Variants in EXD3 observed in about 807,000 individuals in gnomAD.
EXD3 encodes exonuclease 3'-5' domain containing 3.
A neutral mutation model predicts 98.0 loss-of-function variants in EXD3; 92 were observed. The ratio of observed to expected loss-of-function variants is 0.94; its 90% CI spans 0.79 to 1.12. The LOEUF (loss-of-function observed/expected upper bound fraction) is 1.12, where lower values mean the gene tolerates loss of function less well. Ranked by LOEUF, EXD3 falls within the 50% of genes most tolerant of loss-of-function variation. The pLI is 0.00. For missense variants in EXD3, 1,222 were observed against 1,191.6 expected, an observed-to-expected ratio of 1.03 and a Z score of -0.38; for synonymous variants, 569 against 526.0, an observed-to-expected ratio of 1.08 and a Z score of -1.12.
chr9:137,324,367 T>C lies in EXD3; in HGVS notation c.1999-224A>G, dbSNP rs1480909718. ...TTTAATCTTGGCACCACGCAAACATTTTTTTTTCATAATTAGAAACAAAAT... is the reference window on the plus strand; with the variant it reads ...TTTAATCTTGGCACCACGCAAACATCTTTTTTTCATAATTAGAAACAAAAT... On this transcript the variant is annotated intron_variant, in intron 17 of 21. Coordinates refer to ENST00000340951, the MANE Select transcript of EXD3 (RefSeq NM_017820.5). This position sits in a 1 kb window ranked among gnomAD's most constrained non-coding sequence, Gnocchi z 4.1. Among the ~76,000 whole-genome samples, 1 of 152,022 alleles carries C rather than the reference T, an allele frequency of 6.6e-6. No individual in the cohort carries two copies. The highest frequency in any genetic ancestry group is 1.5e-5 in the Non-Finnish European group (1 of 68,012).
intron 1 of EXD3, among the ~76,000 whole-genome samples, chr9:137,412,972 G>A (rs1838067375): frequency 2.0e-5 from 3 of 151,826 alleles, no homozygotes; most frequent in Admixed American, 2.0e-4. Flanking sequence ...TTGTAGAGAT[G>A]GGGTCTCACT....
intron 2 of EXD3, among the ~76,000 whole-genome samples, chr9:137,388,035 G>A (rs1836695040): frequency 6.6e-6 from 1 of 152,234 alleles, no homozygotes; most frequent in South Asian, 2.1e-4. Flanking sequence ...GGTGGGGGCA[G>A]AGCGGGGCAG....
At chr9:137,329,178 C>G (rs1240322925) in intron 17 of EXD3, among the ~76,000 whole-genome samples, 1 of 7,482 alleles carries the variant, frequency 1.3e-4, no homozygotes. Context: ...TACACGGGAG[C>G]TACACGGGAC....
intron 1 of EXD3, among the ~76,000 whole-genome samples, chr9:137,398,913 A>G (rs2131783381): frequency 6.6e-6 from 1 of 150,664 alleles, no homozygotes; most frequent in East Asian, 2.0e-4. Context: ...ACACACAGGC[A>G]ACCGCGTCTC....
Position 137,371,915 on chromosome 9 carries a change from C to T in EXD3, c.462+990G>A, listed in dbSNP as rs150533397. 9.9e-5 allele frequency among the ~76,000 whole-genome samples: 15 copies of T among 152,140 alleles called. No homozygotes were observed. The highest frequency in any genetic ancestry group is 3.9e-4 in the East Asian group (2 of 5,146). ...TCAGAGCCACCCCACGCAAGACGGC[C>T]GCCTCCCTACCCACTGCAGGCCCCA... On this transcript the variant is annotated intron_variant, in intron 5 of 21. Transcript: ENST00000340951. The surrounding 1 kb of genome is among the most constrained non-coding windows in gnomAD (Gnocchi z 8.0).
At chr9:137,368,056 G>A in intron 5 of EXD3, 67 bp from the exon 6 acceptor site, 2 of 1,348,618 alleles carry the variant, frequency 1.5e-6, no homozygotes, top group Non-Finnish European at 1.0e-6. Flanking sequence ...GCGGGTGAGG[G>A]GGCTACCACC....
rs1481184337 is a variant in EXD3 at position 137,366,500 on chromosome 9, C to A, written c.649G>T (p.Val217Phe). The A allele has an allele frequency of 6.5e-7, 1 of 1,550,382 alleles. No individual in the cohort carries two copies. Among genetic ancestry groups the A allele is most frequent in the South Asian group, 1.2e-5 (1 of 84,038 alleles). The change falls in exon 7 of 22, where the codon GTT becomes TTT. Residue 217 changes from valine to phenylalanine, a missense_variant. Physicochemically the swap from Val to Phe is conservative, Grantham distance 50. Transcript: ENST00000340951. ...GCGCCCCACGGGACTCACCTGGCAACGTCCTTGATGTCAAAGCCGGGCTGG... is the reference window on the plus strand; with the variant it reads ...GCGCCCCACGGGACTCACCTGGCAAAGTCCTTGATGTCAAAGCCGGGCTGG... ...WCQPGFDIKD[V>F]ARRYPEVTSL...
chr9:137,376,822 G>C (rs1278222097), intron 3 of EXD3, among the ~76,000 whole-genome samples: 3 of 151,812 alleles, frequency 2.0e-5, no homozygotes, highest in South Asian at 4.2e-4. Context: ...CCAGCTGCTC[G>C]GGAGGCTGAG....
rs1440636202 is a variant in EXD3, at chr9:137,355,447, G to A, written c.758-674C>T. On this transcript the variant is annotated intron_variant, in intron 8 of 21. Coordinates refer to ENST00000340951, the MANE Select transcript of EXD3 (RefSeq NM_017820.5). Reference sequence around the variant, plus strand: ...GGAGGAAGGAGGATGGAGGAAGGGAGGATGGAGGAAGGAGAAAGGAGGAAG... The same window carrying A: ...GGAGGAAGGAGGATGGAGGAAGGGAAGATGGAGGAAGGAGAAAGGAGGAAG... Among the ~76,000 whole-genome samples, 153 of 39,538 alleles carry A rather than the reference G, an allele frequency of 3.9e-3. 14 individuals are homozygous for A. The highest frequency in any genetic ancestry group is 0.014 in the African/African-American group (138 of 10,032). The allele number at this position is 39,538 out of a possible 152,430, so 25.9% of individuals were successfully genotyped here. A position where few individuals can be genotyped will look rare whatever the true frequency, so the allele number is the denominator to read the frequency against.
intron 2 of EXD3, among the ~76,000 whole-genome samples, chr9:137,391,315 G>T (rs1486684624): frequency 3.9e-5 from 6 of 152,242 alleles, no homozygotes; most frequent in African/African-American, 1.4e-4. Context: ...ACACTGGGCG[G>T]GTGCCGAGGA....
intron 1 of EXD3, among the ~76,000 whole-genome samples, chr9:137,396,298 T>C (rs900281891): frequency 2.0e-5 from 3 of 152,184 alleles, no homozygotes; most frequent in Non-Finnish European, 2.9e-5. Flanking sequence ...AAAACCCTTA[T>C]CTACACTTAC....
At chr9:137,330,476 AG>A (rs1192795342) in intron 17 of EXD3, among the ~76,000 whole-genome samples, 20 of 123,564 alleles carry the variant, frequency 1.6e-4, no homozygotes, top group East Asian at 3.0e-4. Context: ...ACTACAAAGG[AG>A]CTACACAGGA....
chr9:137,319,252 T>C (rs1171061636), intron 19 of EXD3, among the ~76,000 whole-genome samples: 2 of 152,210 alleles, frequency 1.3e-5, no homozygotes, highest in African/African-American at 4.8e-5. Flanking sequence ...AGATGGGTCA[T>C]AGCCAGCCGA....
intron 10 of EXD3, 179 bp from the exon 11 acceptor site, chr9:137,352,965 G>A: frequency 7.1e-7 from 1 of 1,410,740 alleles, no homozygotes; most frequent in Non-Finnish European, 9.2e-7. Context: ...GGTTCCACAG[G>A]ACCAAAGCGG....
At chr9:137,413,360 C>T (rs1838091562) in intron 1 of EXD3, among the ~76,000 whole-genome samples, 1 of 152,074 alleles carries the variant, frequency 6.6e-6, no homozygotes, top group South Asian at 2.1e-4. Context: ...GCCACCACGC[C>T]CGGCTAATTT....
intron 19 of EXD3, among the ~76,000 whole-genome samples, chr9:137,319,589 G>A (rs961738639): frequency 3.3e-5 from 5 of 152,216 alleles, no homozygotes; most frequent in East Asian, 3.9e-4. Flanking sequence ...TGGTCATCAC[G>A]GATGTGTGGC....
chr9:137,349,625 G>T lies in EXD3; in HGVS notation c.1495-94C>A. On this transcript the variant is annotated intron_variant, in intron 14 of 21. Transcript: ENST00000340951. This position sits in a 1 kb window ranked among gnomAD's most constrained non-coding sequence, Gnocchi z 7.4. ...ACACCAGCCCTGCGGGGGCTCTGGA[G>T]GAGGCCCCGCCCCCTCCACCAGCGG... The T allele has an allele frequency of 7.7e-7, 1 of 1,307,026 alleles. No individual in the cohort carries two copies. The highest frequency in any genetic ancestry group is 1.0e-6 in the Non-Finnish European group (1 of 991,616). 81.0% of individuals were successfully genotyped at this position (1,307,026 alleles called of 1,614,324 possible).
intron 3 of EXD3, chr9:137,374,671 A>G: frequency 1.0e-6 from 1 of 985,572 alleles, no homozygotes; most frequent in Middle Eastern, 5.2e-4. Flanking sequence ...AAGGCGCGGG[A>G]GGCAAGGCTG....
chr9:137,306,940 C>G lies in EXD3; in HGVS notation c.*10G>C. ...GTCGGGCACTTTCCATGTTTATTGTCTGGCTGTCCTCAGAAGGGACTGCTG... is the reference window on the plus strand; with the variant it reads ...GTCGGGCACTTTCCATGTTTATTGTGTGGCTGTCCTCAGAAGGGACTGCTG... On this transcript the variant is annotated 3_prime_UTR_variant, in exon 22 of 22. Coordinates refer to ENST00000340951, the MANE Select transcript of EXD3 (RefSeq NM_017820.5). 1 of 1,550,934 alleles carries G rather than the reference C, an allele frequency of 6.4e-7. No individual in the cohort carries two copies. The highest frequency in any genetic ancestry group is 8.7e-7 in the Non-Finnish European group (1 of 1,147,040).
Sources: allele counts gnomAD v4.1 joint callset (sites outside exome capture counted in the v4.1 genomes callset), GRCh38; gene constraint gnomAD v4.1.1; non-coding constraint Gnocchi (gnomAD v3.1); transcripts MANE v1.5; gene names NCBI Gene and HGNC (gene_info 2026-07-23, HGNC 2026-07-21).